GPR137: variants seen among roughly 807,000 people sequenced by gnomAD.
GPR137 encodes G protein-coupled receptor 137.
A neutral mutation model predicts 38.9 loss-of-function variants in GPR137; 20 were observed. The observed-to-expected ratio is 0.51, with a 90% CI of 0.36 to 0.75. The LOEUF (loss-of-function observed/expected upper bound fraction) is 0.75. GPR137 is among the 30% of genes least tolerant of loss of function. The probability of loss-of-function intolerance (pLI) is 0.00; values close to 1 mark genes in which losing one functional copy is unlikely to be tolerated. For missense variants in GPR137, 456 were observed against 526.4 expected (o/e 0.87, Z 1.31); for synonymous variants, 226 against 235.8 (o/e 0.96, Z 0.38).
At position 64,286,359 on chromosome 11, in the gene GPR137, G is replaced by A; in HGVS notation, c.-166G>A. The A allele has an allele frequency of 7.1e-7, 1 of 1,412,136 alleles. No homozygotes were observed. The highest frequency in any genetic ancestry group is 9.2e-7 in the Non-Finnish European group (1 of 1,089,440). 87.5% of individuals were successfully genotyped at this position (1,412,136 alleles called of 1,614,324 possible). On this transcript the variant is annotated 5_prime_UTR_variant, in exon 1 of 7. Coordinates refer to ENST00000438980, the MANE Select transcript of GPR137 (RefSeq NM_001170880.2). ...CTGCCTGTGTTCCCCAAGGGCAAGGGTCTCTCTGTTGAGGAGGAGGGGCCT... is the reference window on the plus strand; with the variant it reads ...CTGCCTGTGTTCCCCAAGGGCAAGGATCTCTCTGTTGAGGAGGAGGGGCCT...
chr11:64,282,499 C>T (rs1002535512), upstream of GPR137, among the ~76,000 whole-genome samples: 10 of 152,138 alleles, frequency 6.6e-5, no homozygotes, highest in African/African-American at 2.4e-4. Context: ...GTTCTGGAGG[C>T]TGAGGCAGGA....
chr11:64,280,332 A>AAATAATAATAAT (rs144682603), upstream of GPR137, among the ~76,000 whole-genome samples: 1 of 123,504 alleles, frequency 8.1e-6, no homozygotes, highest in African/African-American at 3.0e-5. Flanking sequence ...AAATAAAATA[A>AAATAATAATAAT]AATAATAATA....
At chr11:64,284,489 C>G (rs1354927239), upstream of GPR137, 1 of 1,585,504 alleles carries the variant, frequency 6.3e-7, no homozygotes, top group East Asian at 2.2e-5. Context: ...CCCAGGCCCG[C>G]CAGGCCTCCT....
intron 3 of GPR137, 23 bp downstream of exon 3, chr11:64,287,969 C>T (rs749796513): frequency 5.0e-6 from 8 of 1,601,328 alleles, no homozygotes; most frequent in Admixed American, 1.7e-5. Context: ...CACTGATGCC[C>T]AGGTGTCTTT....
intron 2 of GPR137, among the ~76,000 whole-genome samples, chr11:64,278,870 C>T (rs951887758): frequency 5.9e-5 from 9 of 152,198 alleles, no homozygotes; most frequent in South Asian, 4.1e-4. Flanking sequence ...GCAGAGGCCC[C>T]GTGGCTCTGG....
At chr11:64,275,271 G>A (rs2032974012), upstream of GPR137, among the ~76,000 whole-genome samples, 2 of 152,074 alleles carry the variant, frequency 1.3e-5, 1 homozygote, top group Non-Finnish European at 2.9e-5. Flanking sequence ...AAGGATTTCG[G>A]ATAGGGGCAG....
chr11:64,272,269 A>G (rs368616342), upstream of GPR137, among the ~76,000 whole-genome samples: 4 of 152,014 alleles, frequency 2.6e-5, no homozygotes, highest in African/African-American at 9.7e-5. Context: ...CAGTGAGCCG[A>G]GATCACGCCA....
At position 64,288,251 on chromosome 11, in the gene GPR137, G is replaced by A. The variant is rs757590245; in HGVS notation, c.783+37G>A. ...CATGTCTGCCACCTCCTTAGTAGCC[G>A]TGGCACCTTGGCCCCAGCTGGCCTG... On this transcript the variant is annotated intron_variant, in intron 4 of 6. Coordinates refer to ENST00000438980, the MANE Select transcript of GPR137 (RefSeq NM_001170880.2). The surrounding 1 kb of genome is among the most constrained non-coding windows in gnomAD (Gnocchi z 5.5). 3.3e-5 allele frequency: 53 copies of A among 1,609,858 alleles called. No homozygotes were observed. Among genetic ancestry groups the A allele is most frequent in the South Asian group, 1.9e-4 (17 of 90,942 alleles).
chr11:64,270,936 T>C (rs1565344065), upstream of GPR137, among the ~76,000 whole-genome samples: 3 of 63,158 alleles, frequency 4.7e-5, no homozygotes, highest in Admixed American at 1.8e-4. Context: ...CACACACGCC[T>C]GGAGTGGGAT....
upstream of GPR137, among the ~76,000 whole-genome samples, chr11:64,270,927 ACACACG>A: frequency 2.1e-5 from 2 of 94,050 alleles, no homozygotes; most frequent in African/African-American, 3.4e-5. Context: ...ACACACACAC[ACACACG>A]CCTGGAGTGG....
rs779897456 is a variant in GPR137 at position 64,288,798 on chromosome 11, G to A, written c.1031+77G>A. The stretch of plus-strand genomic sequence containing the variant: ...TGGCTCCATCAAGCTATGGGGGACC[G>A]AGATAGCCGGGTCTTGCCTTCCACC... On this transcript the variant is annotated intron_variant, in intron 6 of 6. Coordinates refer to ENST00000438980, the MANE Select transcript of GPR137 (RefSeq NM_001170880.2). This position sits in a 1 kb window ranked among gnomAD's most constrained non-coding sequence, Gnocchi z 5.5. 5.2e-5 allele frequency: 65 copies of A among 1,244,268 alleles called. No homozygotes were observed. Among genetic ancestry groups the A allele is most frequent in the Non-Finnish European group, 6.2e-5 (59 of 953,918 alleles). The allele number at this position is 1,244,268 out of a possible 1,614,324, so 77.1% of individuals were successfully genotyped here.
Position 64,286,885 on chromosome 11 carries a change from A to C in GPR137, c.357+4A>C. 6.4e-7 allele frequency: 1 copy of C among 1,568,670 alleles called. No individual in the cohort carries two copies. Among genetic ancestry groups the C allele is most frequent in the Admixed American group, 1.7e-5 (1 of 59,626 alleles). Reference sequence around the variant, plus strand: ...TATGAACCTCTACTTTGCCCAGGTAACCAACTGTGGTCCCGGGTGGGGGGC... The same window carrying C: ...TATGAACCTCTACTTTGCCCAGGTACCCAACTGTGGTCCCGGGTGGGGGGC... On this transcript the variant is annotated splice_donor_region_variant and intron_variant, in intron 1 of 6. Coordinates refer to ENST00000438980, the MANE Select transcript of GPR137 (RefSeq NM_001170880.2).
chr11:64,287,767 C>T lies in GPR137; in HGVS notation c.454C>T (p.Leu152=). ...AFVGASLLFL[L]VNVLCAVLSH... ...TGTGGGGGCCTCGCTGCTCTTTCTG[C>T]TGGTGAACGTGCTGTGTGCTGTGCT... The change falls in exon 3 of 7, where the codon CTG becomes TTG. Residue 152 remains leucine, a synonymous_variant. Transcript: ENST00000438980. 6.2e-7 allele frequency: 1 copy of T among 1,607,098 alleles called. No individual in the cohort carries two copies. Among genetic ancestry groups the T allele is most frequent in the Non-Finnish European group, 8.5e-7 (1 of 1,179,936 alleles).
In GPR137 at chr11:64,286,988, G is replaced by A; in HGVS notation, c.381G>A (p.Lys127=). Residue 127 remains lysine, a synonymous_variant, in exon 2 of 7, where the codon AAG becomes AAA. Coordinates refer to ENST00000438980, the MANE Select transcript of GPR137 (RefSeq NM_001170880.2). The part of the protein sequence containing the change: ...FAQVVFKAKV[K]RRPEMSRGLL... ...AGGTGGTGTTCAAGGCCAAGGTGAA[G>A]CGTCGGCCGGAGATGAGCCGAGGCT... The A allele has an allele frequency of 6.2e-7, 1 of 1,613,888 alleles. No homozygotes were observed. The highest frequency in any genetic ancestry group is 1.6e-4 in the Middle Eastern group (1 of 6,062).
upstream of GPR137, chr11:64,284,501 G>A: frequency 6.4e-7 from 1 of 1,571,326 alleles, no homozygotes; most frequent in Non-Finnish European, 8.6e-7. Context: ...AGGCCTCCTG[G>A]GCCCTCATCT....
upstream of GPR137, chr11:64,284,854 G>A: frequency 6.7e-7 from 1 of 1,496,952 alleles, no homozygotes; most frequent in Non-Finnish European, 8.9e-7. Flanking sequence ...TCCCTCCTTC[G>A]GCCCCGGGGC....
chr11:64,274,708 C>G (rs1397524263), upstream of GPR137, among the ~76,000 whole-genome samples: 5 of 152,056 alleles, frequency 3.3e-5, no homozygotes, highest in Non-Finnish European at 7.4e-5. Flanking sequence ...GTAATCCCAG[C>G]TACTCAGGAG....
At chr11:64,271,759 C>T, upstream of GPR137, 2 of 1,421,676 alleles carry the variant, frequency 1.4e-6, no homozygotes, top group South Asian at 1.6e-5. Context: ...TCCGTCCCCG[C>T]GGGGTAGGAG....
chr11:64,271,826 G>C, upstream of GPR137: 1 of 1,370,276 alleles, frequency 7.3e-7, no homozygotes, highest in Non-Finnish European at 9.4e-7. Context: ...AGTGGGTAGG[G>C]GGGCGACGTT....
Sources: gnomAD v4.1 joint callset for allele counts (sites outside exome capture counted in the v4.1 genomes callset) on GRCh38, gnomAD v4.1.1 for gene constraint, Gnocchi (gnomAD v3.1) non-coding constraint, MANE v1.5 for transcripts, NCBI Gene and HGNC (gene_info 2026-07-23, HGNC 2026-07-21) for gene names.